The following FBLN7 variants were observed in gnomAD, a reference collection of about 807,000 sequenced individuals.
FBLN7 encodes the protein fibulin 7.
In FBLN7, 31 loss-of-function variants were observed where a neutral mutation model predicts 44.0. The ratio of observed to expected loss-of-function variants is 0.70; its 90% CI spans 0.53 to 0.95. The LOEUF (loss-of-function observed/expected upper bound fraction) is 0.95, where lower values mean the gene tolerates loss of function less well. Among genes scored for constraint, FBLN7 ranks in the 40% least tolerant of loss-of-function variants. The pLI, the probability that FBLN7 is intolerant of heterozygous loss-of-function variation, is 0.00. For synonymous variants in FBLN7, 262 were observed against 253.4 expected (o/e 1.03, Z -0.32); for missense variants, 573 against 618.5 (o/e 0.93, Z 0.78).
intron 6 of FBLN7, among the ~76,000 whole-genome samples, chr2:112,183,146 C>G (rs765880707): frequency 6.6e-5 from 10 of 152,244 alleles, no homozygotes; most frequent in Non-Finnish European, 1.3e-4. Context: ...GGCAACTAGT[C>G]TTTTCCGACT....
chr2:112,196,734 C>T, the FBLN7 span, among the ~76,000 whole-genome samples: 63 of 152,174 alleles, frequency 4.1e-4, no homozygotes, highest in East Asian at 0.011. Context: ...AACTGTGTCT[C>T]TCAAAAAGAT....
the FBLN7 span, among the ~76,000 whole-genome samples, chr2:112,243,931 G>C: frequency 2.0e-5 from 3 of 151,840 alleles, no homozygotes; most frequent in Admixed American, 6.6e-5. Flanking sequence ...ATGTTAGAAA[G>C]CTATCAAAAC....
chr2:112,228,821 C>A, the FBLN7 span, among the ~76,000 whole-genome samples: 1 of 152,148 alleles, frequency 6.6e-6, no homozygotes, highest in African/African-American at 2.4e-5. Context: ...GGGATATTTG[C>A]AAATCATGTA....
chr2:112,222,581 C>G, the FBLN7 span, among the ~76,000 whole-genome samples: 1 of 152,218 alleles, frequency 6.6e-6, no homozygotes, highest in South Asian at 2.1e-4. Context: ...CTACATTTGT[C>G]AAAATCACAA....
the FBLN7 span, among the ~76,000 whole-genome samples, chr2:112,193,989 A>T: frequency 1.3e-5 from 2 of 152,344 alleles, no homozygotes; most frequent in South Asian, 4.1e-4. Flanking sequence ...TTATTTTATT[A>T]TGAATTATCA....
At position 112,188,164 on chromosome 2, in the gene FBLN7, A is replaced by G. The variant is rs1683362707; in HGVS notation, c.*658A>G. 6.6e-6 allele frequency: 1 copy of G among 152,374 alleles called. No individual in the cohort carries two copies. Among genetic ancestry groups the G allele is most frequent in the South Asian group, 2.1e-4 (1 of 4,836 alleles). 9.4% of individuals were successfully genotyped at this position (152,374 alleles called of 1,614,324 possible). ...TTCCCTTTTGAGAAATCATATCTCA[A>G]ATACATAACCTGGTAATATAACTGA... On this transcript the variant is annotated 3_prime_UTR_variant, in exon 8 of 8. Coordinates refer to ENST00000331203, the MANE Select transcript of FBLN7 (RefSeq NM_153214.3).
At chr2:112,152,977 C>T (rs1015064675) in intron 1 of FBLN7, 3 of 152,072 alleles carry the variant, frequency 2.0e-5, no homozygotes, top group Admixed American at 6.6e-5. Flanking sequence ...ATATATATCT[C>T]TTTCTTATTG....
rs774183363 is a variant in FBLN7, at chr2:112,187,500, C to T, written c.1314C>T (p.Asp438=). ...SKVTIFVSPY[D]F ...TCACCATCTTTGTATCCCCCTATGA[C>T]TTCTGAGGGTACACAGGGGCACTGG... Residue 438 remains aspartate (D), a synonymous_variant, in exon 8 of 8, where the codon GAC becomes GAT. Coordinates refer to ENST00000331203, the MANE Select transcript of FBLN7 (RefSeq NM_153214.3). The surrounding 1 kb of genome is among the most constrained non-coding windows in gnomAD (Gnocchi z 5.1). 5 of 1,614,012 alleles carry T rather than the reference C, an allele frequency of 3.1e-6. No individual in the cohort carries two copies. The South Asian group carries it at 4.4e-5, about 14-fold the overall frequency.
At chr2:112,185,425 G>T (rs1683223609) in intron 7 of FBLN7, 86 bp downstream of exon 7, 1 of 1,523,256 alleles carries the variant, frequency 6.6e-7, no homozygotes, top group East Asian at 2.3e-5. Context: ...TTGGGAGAAG[G>T]TACAGTTATA....
rs759147714 is a variant in FBLN7 at position 112,185,254 on chromosome 2, A to T, written c.862A>T (p.Ile288Phe). Residue 288 changes from isoleucine to phenylalanine, a missense_variant, in exon 7 of 8, where the codon ATC becomes TTC. Physicochemically the swap from Ile to Phe is conservative, Grantham distance 21 (BLOSUM62 0). Coordinates refer to ENST00000331203, the MANE Select transcript of FBLN7 (RefSeq NM_153214.3). Reference protein sequence around the residue: ...QPVCPQGTTCINTGGSFQCVS... With the variant: ...QPVCPQGTTCFNTGGSFQCVS... ...GGTGTGCCCCCAGGGGACCACATGC[A>T]TCAACACCGGTGGAAGCTTCCAGTG... The T allele has an allele frequency of 6.2e-7, 1 of 1,613,998 alleles. No individual in the cohort carries two copies. Among genetic ancestry groups the T allele is most frequent in the Non-Finnish European group, 8.5e-7 (1 of 1,179,900 alleles).
chr2:112,243,439 A>G, the FBLN7 span, among the ~76,000 whole-genome samples: 3 of 152,234 alleles, frequency 2.0e-5, no homozygotes, highest in Non-Finnish European at 2.9e-5. Flanking sequence ...AGTATTGGGC[A>G]ATATCCATCT....
At chr2:112,238,447 CATT>C in the FBLN7 span, 1 of 1,613,450 alleles carries the variant, frequency 6.2e-7, no homozygotes, top group Non-Finnish European at 8.5e-7. Context: ...CTGCAGATAT[CATT>C]ATCACTATAT....
intron 5 of FBLN7, 113 bp from the exon 6 acceptor site, chr2:112,182,678 A>G (rs1683062751): frequency 7.3e-7 from 1 of 1,364,282 alleles, no homozygotes; most frequent in Non-Finnish European, 9.9e-7. Context: ...AGGCCCAGCC[A>G]CTTAACTGCA....
the FBLN7 span, among the ~76,000 whole-genome samples, chr2:112,198,764 C>G: frequency 3.9e-5 from 6 of 152,172 alleles, no homozygotes; most frequent in African/African-American, 1.4e-4. Flanking sequence ...GACACCAAAC[C>G]TGCTGGAACC....
At chr2:112,173,826 A>G (rs1682597281) in intron 3 of FBLN7, among the ~76,000 whole-genome samples, 1 of 152,268 alleles carries the variant, frequency 6.6e-6, no homozygotes, top group Non-Finnish European at 1.5e-5. Flanking sequence ...ACATCAGGCC[A>G]TTGGATGCCT....
intron 3 of FBLN7, among the ~76,000 whole-genome samples, chr2:112,173,187 G>C (rs1682563155): frequency 6.6e-6 from 1 of 152,112 alleles, no homozygotes; most frequent in Admixed American, 6.5e-5. Flanking sequence ...AGTGAAGTGA[G>C]AATTTCAGAG....
At chr2:112,202,894 C>T in the FBLN7 span, among the ~76,000 whole-genome samples, 1 of 152,144 alleles carries the variant, frequency 6.6e-6, no homozygotes, top group East Asian at 1.9e-4. Flanking sequence ...TACTGAAAAG[C>T]TACCTTCTCA....
chr2:112,235,487 G>A, the FBLN7 span, among the ~76,000 whole-genome samples: 2 of 152,162 alleles, frequency 1.3e-5, no homozygotes, highest in African/African-American at 4.8e-5. Flanking sequence ...GAACCACAGG[G>A]CTTCAGATTC....
chr2:112,191,914 C>A (rs541145918), downstream of FBLN7, among the ~76,000 whole-genome samples: 40 of 152,108 alleles, frequency 2.6e-4, no homozygotes, highest in Admixed American at 8.5e-4. Flanking sequence ...ATCTTCTGAC[C>A]GGTTCCCTCC....
Sources: allele counts gnomAD v4.1 joint callset (sites outside exome capture counted in the v4.1 genomes callset), GRCh38; gene constraint gnomAD v4.1.1; non-coding constraint Gnocchi (gnomAD v3.1); transcripts MANE v1.5; gene names NCBI Gene and HGNC (gene_info 2026-07-23, HGNC 2026-07-21).